The following PLEKHA8 variants were observed in gnomAD, a reference collection of about 807,000 sequenced individuals.
PLEKHA8 encodes pleckstrin homology domain-containing family A member 8.
In PLEKHA8, 36 loss-of-function variants were observed where a neutral mutation model predicts 68.2. The observed-to-expected ratio is 0.53, with a 90% CI of 0.40 to 0.70. PLEKHA8 has a LOEUF of 0.70. PLEKHA8 is among the 30% of genes least tolerant of loss of function. The pLI is 0.00. For synonymous variants in PLEKHA8, 211 were observed against 216.1 expected, an observed-to-expected ratio of 0.98 and a Z score of 0.20; for missense variants, 505 against 615.4, an observed-to-expected ratio of 0.82 and a Z score of 1.90.
At chr7:30,035,045 C>CT (rs560158663) in intron 1 of PLEKHA8, among the ~76,000 whole-genome samples, 22 of 148,290 alleles carry the variant, frequency 1.5e-4, no homozygotes, top group East Asian at 2.0e-4. Context: ...AAGAGTACAG[C>CT]TTTTTTTTTT....
chr7:30,077,057 C>T (rs1297310908), intron 13 of PLEKHA8, among the ~76,000 whole-genome samples: 3 of 152,130 alleles, frequency 2.0e-5, no homozygotes, highest in Non-Finnish European at 4.4e-5. Context: ...CAGTTGAACT[C>T]TATTACTGGT....
chr7:30,055,403 T>C (rs1583822190), intron 9 of PLEKHA8, 61 bp downstream of exon 9: 1 of 1,478,392 alleles, frequency 6.8e-7, no homozygotes. Flanking sequence ...ACTGTAGTTA[T>C]TTTGCAGGAG....
Position 30,126,834 on chromosome 7 carries a change from C to T in PLEKHA8, c.1363-2432C>T, listed in dbSNP as rs116711020. Among the ~76,000 whole-genome samples, 1,215 of 152,288 alleles carry T rather than the reference C, an allele frequency of 8.0e-3. 22 individuals carry two copies. Among genetic ancestry groups the T allele is most frequent in the African/African-American group, 0.027 (1,131 of 41,552 alleles). ...GAGTTATTCACTATCATGAGAATAG[C>T]ACAGGAAAGACTCGCCCCCATGTTT... On this transcript the variant is annotated intron_variant, in intron 13 of 13. Coordinates refer to the PLEKHA8 transcript ENST00000396257.
Position 30,090,097 on chromosome 7 carries a change from T to C in PLEKHA8, c.1301-56T>C, listed in dbSNP as rs906905738. On this transcript the variant is annotated intron_variant, in intron 12 of 12. Coordinates refer to the PLEKHA8 transcript ENST00000258679. Reference sequence around the variant, plus strand: ...GTATCTGGAGATAAAATACAGAAGATTTTTCCTGAAATGAAGGAAGGAATC... The same window carrying C: ...GTATCTGGAGATAAAATACAGAAGACTTTTCCTGAAATGAAGGAAGGAATC... 4.6e-6 allele frequency: 7 copies of C among 1,508,522 alleles called. No individual in the cohort carries two copies. In the African/African-American group the frequency reaches 8.5e-5, roughly 18 times the overall value. 93.4% of individuals were successfully genotyped at this position (1,508,522 alleles called of 1,614,324 possible). A position where few individuals can be genotyped will look rare whatever the true frequency, so the allele number is the denominator to read the frequency against.
At chr7:30,124,481 G>A (rs182667513) in intron 13 of PLEKHA8, among the ~76,000 whole-genome samples, 3 of 152,226 alleles carry the variant, frequency 2.0e-5, no homozygotes, top group Middle Eastern at 3.4e-3. Context: ...ATTTGCCTTC[G>A]TTTATAACAC....
chr7:30,039,718 C>T (rs1791379003), intron 1 of PLEKHA8, among the ~76,000 whole-genome samples: 1 of 151,930 alleles, frequency 6.6e-6, no homozygotes, highest in Admixed American at 6.6e-5. Flanking sequence ...TTTTTAGTGG[C>T]TTCCTTGCAT....
At chr7:30,102,057 A>G (rs1795873098) in intron 13 of PLEKHA8, among the ~76,000 whole-genome samples, 1 of 152,246 alleles carries the variant, frequency 6.6e-6, no homozygotes, top group African/African-American at 2.4e-5. Flanking sequence ...TGGTATCTAG[A>G]ATCTACAAAG....
At chr7:30,118,203 T>C in intron 13 of PLEKHA8, 2 of 431,654 alleles carry the variant, frequency 4.6e-6, no homozygotes, top group Non-Finnish European at 7.9e-6. Flanking sequence ...CTGAGTTAAG[T>C]GAGATCTAAA....
At chr7:30,045,613 A>T (rs539491818) in intron 2 of PLEKHA8, among the ~76,000 whole-genome samples, 1 of 152,238 alleles carries the variant, frequency 6.6e-6, no homozygotes, top group Non-Finnish European at 1.5e-5. Flanking sequence ...AATAGTCTTT[A>T]CTTCTTGTTT....
rs1795005273 is a variant in PLEKHA8, at chr7:30,082,776, T to A, written c.*3989T>A. The A allele has an allele frequency of 1.0e-6, 1 of 984,968 alleles. No individual in the cohort carries two copies. The highest frequency in any genetic ancestry group is 1.2e-6 in the Non-Finnish European group (1 of 829,808). 61.0% of individuals were successfully genotyped at this position (984,968 alleles called of 1,614,324 possible). A position where few individuals can be genotyped will look rare whatever the true frequency, so the allele number is the denominator to read the frequency against. ...TTTTTTTAAGGAAACTTAATCTGAT[T>A]GTGAAAATCATACATATGGAGAAAC... On this transcript the variant is annotated 3_prime_UTR_variant, in exon 14 of 14. Coordinates refer to ENST00000449726, the MANE Select transcript of PLEKHA8 (RefSeq NM_001197026.2).
At chr7:30,057,803 T>C (rs1562872038) in intron 9 of PLEKHA8, among the ~76,000 whole-genome samples, 1 of 152,224 alleles carries the variant, frequency 6.6e-6, no homozygotes, top group East Asian at 1.9e-4. Flanking sequence ...AACATTTTTG[T>C]GCCTATGGGC....
intron 9 of PLEKHA8, among the ~76,000 whole-genome samples, chr7:30,056,278 T>TTCTCTCTCTCTCTC (rs761685260): frequency 0.013 from 718 of 56,356 alleles, 8 homozygotes; most frequent in Non-Finnish European, 0.017. Flanking sequence ...TAAAGATATA[T>TTCTCTCTCTCTCTC]TCTCTCTCTC....
At chr7:30,094,265 C>T (rs1000720816), downstream of PLEKHA8, among the ~76,000 whole-genome samples, 5 of 150,844 alleles carry the variant, frequency 3.3e-5, no homozygotes, top group East Asian at 9.8e-4. Flanking sequence ...GGTAGGAGAG[C>T]AAGTTTCTAC....
intron 1 of PLEKHA8, among the ~76,000 whole-genome samples, chr7:30,034,463 C>T (rs1583763958): frequency 6.6e-6 from 1 of 152,014 alleles, no homozygotes; most frequent in African/African-American, 2.4e-5. Context: ...CAGTAGCCTG[C>T]GAATAACCAA....
intron 13 of PLEKHA8, among the ~76,000 whole-genome samples, chr7:30,098,840 G>A (rs1795736869): frequency 2.0e-5 from 3 of 152,194 alleles, no homozygotes; most frequent in Non-Finnish European, 4.4e-5. Flanking sequence ...CCACTGTCCG[G>A]CACTCCCCAG....
Position 30,083,500 on chromosome 7 carries a change from A to G in PLEKHA8, c.*4713A>G, listed in dbSNP as rs971017250. On this transcript the variant is annotated 3_prime_UTR_variant, in exon 14 of 14. Coordinates refer to ENST00000449726, the MANE Select transcript of PLEKHA8 (RefSeq NM_001197026.2). ...GTCAATAGTCCTGTGTACAGTGACT[A>G]TTTGCATGATTTCTCATTGCACTGC... 2 of 985,086 alleles carry G rather than the reference A, an allele frequency of 2.0e-6. No individual in the cohort carries two copies. The highest frequency in any genetic ancestry group is 1.7e-5 in the African/African-American group (1 of 57,192). 61.0% of individuals were successfully genotyped at this position (985,086 alleles called of 1,614,324 possible). A position where few individuals can be genotyped will look rare whatever the true frequency, so the allele number is the denominator to read the frequency against.
At position 30,107,107 on chromosome 7, in the gene PLEKHA8, AGACT is replaced by A. The variant is rs560879230; in HGVS notation, c.1363-22154_1363-22151del. 2.6e-4 allele frequency among the ~76,000 whole-genome samples: 39 copies of A among 152,312 alleles called. No individual in the cohort carries two copies. In the South Asian group the frequency reaches 6.6e-3, roughly 26 times the overall value. ...TTTATTGAAATTATACTGAATTTATAGACTGACTTTGGGAGAAATCGCTGTCACT... is the reference window on the plus strand; with the variant it reads ...TTTATTGAAATTATACTGAATTTATAGACTTTGGGAGAAATCGCTGTCACT... On this transcript the variant is annotated intron_variant, in intron 13 of 13. Transcript: ENST00000396257.
chr7:30,096,033 C>T (rs1488681928), intron 13 of PLEKHA8, among the ~76,000 whole-genome samples: 1 of 152,020 alleles, frequency 6.6e-6, no homozygotes, highest in Non-Finnish European at 1.5e-5. Flanking sequence ...CATGTGAAGT[C>T]TAAAGTAGTT....
chr7:30,074,266 G>GTT, intron 13 of PLEKHA8, 134 bp downstream of exon 13: 1 of 651,658 alleles, frequency 1.5e-6, no homozygotes, highest in East Asian at 2.9e-5. Context: ...GTGTGTGTGT[G>GTT]TGTGTGTATG....
Sources: gnomAD v4.1 joint callset for allele counts (sites outside exome capture counted in the v4.1 genomes callset) on GRCh38, gnomAD v4.1.1 for gene constraint, MANE v1.5 for transcripts, NCBI Gene and HGNC (gene_info 2026-07-23, HGNC 2026-07-21) for gene names.